Variants in TTC38 observed in about 807,000 individuals in gnomAD.
The protein encoded by TTC38 is tetratricopeptide repeat protein 38.
TTC38 carries 64 observed loss-of-function variants against 64.2 expected under a neutral mutation model. That is an observed-to-expected ratio of 1.00 (90% CI 0.81 to 1.23). The LOEUF (loss-of-function observed/expected upper bound fraction) is 1.23, where lower values mean the gene tolerates loss of function less well. Among genes scored for constraint, TTC38 ranks in the 50% most tolerant of loss-of-function variants. The pLI, the probability that TTC38 is intolerant of heterozygous loss-of-function variation, is 0.00. For missense variants in TTC38, 573 were observed against 615.5 expected, an observed-to-expected ratio of 0.93 and a Z score of 0.73; for synonymous variants, 254 against 249.3, an observed-to-expected ratio of 1.02 and a Z score of -0.18.
intron 9 of TTC38, among the ~76,000 whole-genome samples, chr22:46,285,606 A>ATT (rs113178433): frequency 6.9e-6 from 1 of 145,904 alleles, no homozygotes; most frequent in Non-Finnish European, 1.5e-5. Flanking sequence ...ACCCATAGGA[A>ATT]TTTTTTTTTT....
intron 5 of TTC38, among the ~76,000 whole-genome samples, chr22:46,277,794 T>C (rs73886787): frequency 0.018 from 2,724 of 152,210 alleles, 87 homozygotes; most frequent in African/African-American, 0.062. Context: ...GGCAGGGGAC[T>C]GTGTACAGCA....
At chr22:46,278,318 ACT>A (rs780547558) in intron 5 of TTC38, among the ~76,000 whole-genome samples, 4 of 151,556 alleles carry the variant, frequency 2.6e-5, no homozygotes, top group African/African-American at 7.3e-5. Context: ...CAGCTGTATC[ACT>A]CTGCCTTGGT....
rs984832657 is a variant in TTC38, at chr22:46,270,505, G to A, written c.112-1830G>A. Among the ~76,000 whole-genome samples, 2 of 152,162 alleles carry A rather than the reference G, an allele frequency of 1.3e-5. No individual in the cohort carries two copies. The highest frequency in any genetic ancestry group is 4.8e-5 in the African/African-American group (2 of 41,442). ...GACTTTTTTTAAAACAGGCATTTGAGTAAAGGACCAGGTACAAATACAGCA... is the reference window on the plus strand; with the variant it reads ...GACTTTTTTTAAAACAGGCATTTGAATAAAGGACCAGGTACAAATACAGCA... On this transcript the variant is annotated intron_variant, in intron 2 of 13. Transcript: ENST00000381031. The surrounding 1 kb of genome is among the most constrained non-coding windows in gnomAD (Gnocchi z 4.7).
rs537607479 is a variant in TTC38 at position 46,281,895 on chromosome 22, C to T, written c.735+177C>T. On this transcript the variant is annotated intron_variant, in intron 7 of 13. Coordinates refer to ENST00000381031, the MANE Select transcript of TTC38 (RefSeq NM_017931.4). This position sits in a 1 kb window ranked among gnomAD's most constrained non-coding sequence, Gnocchi z 5.2. The stretch of plus-strand genomic sequence containing the variant: ...GCTGAGCAGAATGCAATCAAGATTC[C>T]AGTCCCCACCCCAGGCCCATACCTT... 1 of 816,160 alleles carries T rather than the reference C, an allele frequency of 1.2e-6. No individual in the cohort carries two copies. Among genetic ancestry groups the T allele is most frequent in the South Asian group, 1.6e-5 (1 of 63,230 alleles). The allele number at this position is 816,160 out of a possible 1,614,324, so 50.6% of individuals were successfully genotyped here.
In TTC38 at chr22:46,293,979, T is replaced by C. The variant is rs1200661397; in HGVS notation, c.*1095T>C. On this transcript the variant is annotated 3_prime_UTR_variant, in exon 14 of 14. Coordinates refer to ENST00000381031, the MANE Select transcript of TTC38 (RefSeq NM_017931.4). The surrounding 1 kb of genome is among the most constrained non-coding windows in gnomAD (Gnocchi z 6.6). The stretch of plus-strand genomic sequence containing the variant: ...TTGCTCAAGCCCAGGCAAATTTCTG[T>C]GATTAAAATGAATTCATCAGTTCCT... The C allele has an allele frequency of 1.3e-5, 2 of 152,286 alleles. No homozygotes were observed. Among genetic ancestry groups the C allele is most frequent in the Non-Finnish European group, 2.9e-5 (2 of 68,068 alleles). The allele number at this position is 152,286 out of a possible 1,614,324, so 9.4% of individuals were successfully genotyped here.
chr22:46,285,376 A>G, intron 9 of TTC38, 97 bp downstream of exon 9: 1 of 1,177,328 alleles, frequency 8.5e-7, no homozygotes. Context: ...TGTCCCAGCC[A>G]GAAAAACAGC....
Position 46,292,951 on chromosome 22 carries a change from C to T in TTC38, c.*67C>T. ...CGTCACTGCGTCCAGTCAGCTGCTC[C>T]ACCGGGTTAGGGTCAGGAGACGGCC... On this transcript the variant is annotated 3_prime_UTR_variant, in exon 14 of 14. Transcript: ENST00000381031. The surrounding 1 kb of genome is among the most constrained non-coding windows in gnomAD (Gnocchi z 6.5). 3 of 1,317,380 alleles carry T rather than the reference C, an allele frequency of 2.3e-6. No individual in the cohort carries two copies. The highest frequency in any genetic ancestry group is 1.7e-5 in the Admixed American group (1 of 58,600). The allele number at this position is 1,317,380 out of a possible 1,614,324, so 81.6% of individuals were successfully genotyped here.
Position 46,289,566 on chromosome 22 carries a change from G to T in TTC38, c.1242+5G>T. The T allele has an allele frequency of 6.4e-7, 1 of 1,568,678 alleles. No homozygotes were observed. ...CTCGGTGGGAGCAATGCCCAGGTGAGCCGATGGCCGCCAGCTGGGGTGCCT... is the reference window on the plus strand; with the variant it reads ...CTCGGTGGGAGCAATGCCCAGGTGATCCGATGGCCGCCAGCTGGGGTGCCT... On this transcript the variant is annotated splice_donor_5th_base_variant and intron_variant, in intron 12 of 13. Coordinates refer to ENST00000381031, the MANE Select transcript of TTC38 (RefSeq NM_017931.4).
In TTC38 at chr22:46,292,161, C is replaced by G. The variant is rs752821792; in HGVS notation, c.1317-630C>G. ...CCTTTGAGTGCTAATTCTTTCACGTCTCTTCTTTCTTCTTTCTTTTTAAAT... is the reference window on the plus strand; with the variant it reads ...CCTTTGAGTGCTAATTCTTTCACGTGTCTTCTTTCTTCTTTCTTTTTAAAT... On this transcript the variant is annotated intron_variant, in intron 13 of 13. Transcript: ENST00000381031. The surrounding 1 kb of genome is among the most constrained non-coding windows in gnomAD (Gnocchi z 6.5). 5 of 428,682 alleles carry G rather than the reference C, an allele frequency of 1.2e-5. No homozygotes were observed. Among genetic ancestry groups the G allele is most frequent in the South Asian group, 8.7e-5 (5 of 57,430 alleles). The allele number at this position is 428,682 out of a possible 1,614,324, so 26.6% of individuals were successfully genotyped here.
rs1324082770 is a variant in TTC38 at position 46,291,382 on chromosome 22, G to C, written c.1317-1409G>C. Among the ~76,000 whole-genome samples the C allele has an allele frequency of 3.3e-5, 5 of 152,110 alleles. No individual in the cohort carries two copies. The South Asian group carries it at 8.3e-4, about 25-fold the overall frequency. On this transcript the variant is annotated intron_variant, in intron 13 of 13. Coordinates refer to ENST00000381031, the MANE Select transcript of TTC38 (RefSeq NM_017931.4). The surrounding 1 kb of genome is among the most constrained non-coding windows in gnomAD (Gnocchi z 4.6). ...ATGTGGCCTTCTGCGGGGCCCAGTG[G>C]GGGAGGGCAGGGGGAGAGCAGGCTG...
rs1472652157 is a variant in TTC38 at position 46,292,162 on chromosome 22, T to C, written c.1317-629T>C. 7 of 430,010 alleles carry C rather than the reference T, an allele frequency of 1.6e-5. No homozygotes were observed. Among genetic ancestry groups the C allele is most frequent in the Non-Finnish European group, 3.2e-5 (7 of 218,842 alleles). 26.6% of individuals were successfully genotyped at this position (430,010 alleles called of 1,614,324 possible). A position where few individuals can be genotyped will look rare whatever the true frequency, so the allele number is the denominator to read the frequency against. On this transcript the variant is annotated intron_variant, in intron 13 of 13. Coordinates refer to ENST00000381031, the MANE Select transcript of TTC38 (RefSeq NM_017931.4). This position sits in a 1 kb window ranked among gnomAD's most constrained non-coding sequence, Gnocchi z 6.5. ...CTTTGAGTGCTAATTCTTTCACGTC[T>C]CTTCTTTCTTCTTTCTTTTTAAATT... is the stretch of plus-strand genomic sequence containing the variant.
intron 2 of TTC38, chr22:46,269,237 C>CTGA (rs1936839863): frequency 3.0e-6 from 1 of 328,966 alleles, no homozygotes; most frequent in Non-Finnish European, 6.3e-6. Context: ...TGCTGAGGGT[C>CTGA]TGATGCAGGG....
At chr22:46,269,087 T>C in intron 2 of TTC38, 2 of 380,152 alleles carry the variant, frequency 5.3e-6, no homozygotes, top group Non-Finnish European at 1.0e-5. Flanking sequence ...GACATATCTC[T>C]GCCCCCCCCC....
rs980862627 is a variant in TTC38, at chr22:46,275,017, T to G, written c.366-231T>G. Among the ~76,000 whole-genome samples the G allele has an allele frequency of 1.3e-5, 2 of 152,146 alleles. No individual in the cohort carries two copies. Among genetic ancestry groups the G allele is most frequent in the Non-Finnish European group, 2.9e-5 (2 of 68,020 alleles). The stretch of plus-strand genomic sequence containing the variant: ...TTTGTATTTTTAGTAGAGATGGGGT[T>G]TCACCATCTTGGCCAGGCTGGTCTT... On this transcript the variant is annotated intron_variant, in intron 4 of 13. Transcript: ENST00000381031. The surrounding 1 kb of genome is among the most constrained non-coding windows in gnomAD (Gnocchi z 4.5).
intron 6 of TTC38, among the ~76,000 whole-genome samples, chr22:46,280,436 A>G (rs1166522064): frequency 3.3e-5 from 5 of 152,204 alleles, no homozygotes; most frequent in African/African-American, 1.2e-4. Context: ...CAAGAGAGGG[A>G]AGATGCCAGT....
In TTC38 at chr22:46,277,030, AATACATATAT is replaced by A. The variant is rs199523173; in HGVS notation, c.540-1548_540-1539del. 8.4e-3 allele frequency among the ~76,000 whole-genome samples: 939 copies of A among 112,168 alleles called. 14 individuals are homozygous for A. Among genetic ancestry groups the A allele is most frequent in the African/African-American group, 0.035 (898 of 25,492 alleles). 73.6% of individuals were successfully genotyped at this position (112,168 alleles called of 152,430 possible). A position where few individuals can be genotyped will look rare whatever the true frequency, so the allele number is the denominator to read the frequency against. On this transcript the variant is annotated intron_variant, in intron 5 of 13. Coordinates refer to ENST00000381031, the MANE Select transcript of TTC38 (RefSeq NM_017931.4). Reference sequence around the variant, plus strand: ...TGAGGATTAAATGACCCCAGTAAACAATACATATATATACATACACACACACACACACACA... The same window carrying A: ...TGAGGATTAAATGACCCCAGTAAACAATACATACACACACACACACACACA...
In TTC38 at chr22:46,281,395, G is replaced by A. The variant is rs1213932303; in HGVS notation, c.616-204G>A. Reference sequence around the variant, plus strand: ...ACTCAGCTTCCTCATCTGTGAACTGGGCAGTGAGACCCATGAGCTGGTGTG... The same window carrying A: ...ACTCAGCTTCCTCATCTGTGAACTGAGCAGTGAGACCCATGAGCTGGTGTG... On this transcript the variant is annotated intron_variant, in intron 6 of 13. Transcript: ENST00000381031. This position sits in a 1 kb window ranked among gnomAD's most constrained non-coding sequence, Gnocchi z 5.2. Among the ~76,000 whole-genome samples the A allele has an allele frequency of 6.6e-6, 1 of 152,176 alleles. No homozygotes were observed. Among genetic ancestry groups the A allele is most frequent in the African/African-American group, 2.4e-5 (1 of 41,428 alleles).
At position 46,292,106 on chromosome 22, in the gene TTC38, A is replaced by G; in HGVS notation, c.1317-685A>G. 2.7e-6 allele frequency: 1 copy of G among 364,052 alleles called. No individual in the cohort carries two copies. The highest frequency in any genetic ancestry group is 2.2e-5 in the South Asian group (1 of 45,118). The allele number at this position is 364,052 out of a possible 1,614,324, so 22.6% of individuals were successfully genotyped here. ...CTCTCTTCCTGGCTTGTGGACAGCC[A>G]CTTTCTTGCTGTGTCCTCACATGAC... On this transcript the variant is annotated intron_variant, in intron 13 of 13. Coordinates refer to ENST00000381031, the MANE Select transcript of TTC38 (RefSeq NM_017931.4). This position sits in a 1 kb window ranked among gnomAD's most constrained non-coding sequence, Gnocchi z 6.5.
chr22:46,284,575 CAT>C (rs2077557928), intron 8 of TTC38, among the ~76,000 whole-genome samples: 1 of 152,072 alleles, frequency 6.6e-6, no homozygotes, highest in Non-Finnish European at 1.5e-5. Context: ...GGAGAGGAAA[CAT>C]ATGCAGAAAA....
Sources: allele counts gnomAD v4.1 joint callset (sites outside exome capture counted in the v4.1 genomes callset), GRCh38; gene constraint gnomAD v4.1.1; non-coding constraint Gnocchi (gnomAD v3.1); transcripts MANE v1.5; gene names NCBI Gene and HGNC (gene_info 2026-07-23, HGNC 2026-07-21).